Variants in CPEB4 observed in about 807,000 individuals in gnomAD.
CPEB4 encodes cytoplasmic polyadenylation element binding protein 4, also known as cytoplasmic polyadenylation element-binding protein 4.
In CPEB4, 12 loss-of-function variants were observed where a neutral mutation model predicts 72.5. The ratio of observed to expected loss-of-function variants is 0.17; its 90% CI spans 0.11 to 0.27. The LOEUF (loss-of-function observed/expected upper bound fraction) is 0.27. CPEB4 is among the 10% of genes least tolerant of loss of function. CPEB4 has a pLI of 1.00. For synonymous variants in CPEB4, 302 were observed against 326.3 expected (o/e 0.93, Z 0.80); for missense variants, 614 against 908.5 (o/e 0.68, Z 4.17).
chr5:173,927,044 G>A (rs62376956), intron 2 of CPEB4, among the ~76,000 whole-genome samples: 15,511 of 152,192 alleles, frequency 0.1, 1,047 homozygotes, highest in Middle Eastern at 0.21. Flanking sequence ...CCAGCTACTC[G>A]GGAGGCTGAG....
chr5:173,930,772 A>G (rs1421681470), intron 2 of CPEB4, among the ~76,000 whole-genome samples: 1 of 152,012 alleles, frequency 6.6e-6, no homozygotes, highest in Non-Finnish European at 1.5e-5. Context: ...GTGGATCACA[A>G]GGTCAGGAGA....
Position 173,957,261 on chromosome 5 carries a change from A to T in CPEB4, c.*1124A>T, listed in dbSNP as rs1758408073. On this transcript the variant is annotated 3_prime_UTR_variant, in exon 10 of 10. Transcript: ENST00000265085. ...TGGCTGCTGATTGGCTTACTTTTAG[A>T]TTTAAAGTTACTTTGGGTATCCTGT... is the stretch of plus-strand genomic sequence containing the variant. 1 of 152,764 alleles carries T rather than the reference A, an allele frequency of 6.5e-6. No individual in the cohort carries two copies. Among genetic ancestry groups the T allele is most frequent in the South Asian group, 2.1e-4 (1 of 4,838 alleles). 9.5% of individuals were successfully genotyped at this position (152,764 alleles called of 1,614,324 possible).
rs145117065 is a variant in CPEB4, at chr5:173,936,953, T to G, written c.1258+4453T>G. Among the ~76,000 whole-genome samples, 1,059 of 152,130 alleles carry G rather than the reference T, an allele frequency of 7.0e-3. 3 individuals are homozygous for G. Among genetic ancestry groups the G allele is most frequent in the Non-Finnish European group, 0.011 (747 of 67,998 alleles). The stretch of plus-strand genomic sequence containing the variant: ...AGTTTTAACAACTCATATATGTATT[T>G]TCTTTCCTTTGAGGAAGTGATTAGT... On this transcript the variant is annotated intron_variant, in intron 3 of 9. Coordinates refer to ENST00000265085, the MANE Select transcript of CPEB4 (RefSeq NM_030627.4).
intron 2 of CPEB4, among the ~76,000 whole-genome samples, chr5:173,927,908 G>A (rs781312703): frequency 5.3e-5 from 8 of 152,218 alleles, no homozygotes; most frequent in Non-Finnish European, 7.3e-5. Flanking sequence ...ATACCCTTCA[G>A]TAGGTGAATA....
At chr5:173,892,311 A>C (rs970686192) in intron 1 of CPEB4, among the ~76,000 whole-genome samples, 13 of 125,364 alleles carry the variant, frequency 1.0e-4, no homozygotes, top group Admixed American at 1.0e-3. Context: ...AGCTGTTGGC[A>C]TTTGCTTTAA....
intron 3 of CPEB4, among the ~76,000 whole-genome samples, chr5:173,940,188 T>G (rs1757786678): frequency 6.6e-6 from 1 of 152,178 alleles, no homozygotes; most frequent in African/African-American, 2.4e-5. Context: ...TGGTGGGGAC[T>G]GGGAGATTTT....
At chr5:173,924,997 C>A (rs981324367) in intron 2 of CPEB4, among the ~76,000 whole-genome samples, 1 of 152,122 alleles carries the variant, frequency 6.6e-6, no homozygotes, top group African/African-American at 2.4e-5. Context: ...TGATGTGGGG[C>A]AGGGAAGGCT....
At chr5:173,932,946 A>G (rs1159573295) in intron 3 of CPEB4, among the ~76,000 whole-genome samples, 1 of 152,218 alleles carries the variant, frequency 6.6e-6, no homozygotes, top group Admixed American at 6.5e-5. Context: ...CTGTCTAACA[A>G]AAACAAGAAA....
chr5:173,901,062 T>C (rs915883963), intron 1 of CPEB4, among the ~76,000 whole-genome samples: 6 of 152,208 alleles, frequency 3.9e-5, no homozygotes, highest in Admixed American at 2.6e-4. Context: ...AAAGGTCTAT[T>C]GATTCAGGAA....
chr5:173,951,314 A>T (rs544681918), intron 7 of CPEB4, among the ~76,000 whole-genome samples: 50 of 93,978 alleles, frequency 5.3e-4, no homozygotes, highest in African/African-American at 1.4e-3. Flanking sequence ...TATTTGTCAT[A>T]AAAAAAAATC....
rs1314333979 is a variant in CPEB4, at chr5:173,900,863, C to T, written c.1126-9660C>T. ...ACCTTATCTCACTGGCTTTTCACTA[C>T]AGATTTATAAGGGAGGTGCTATTAT... On this transcript the variant is annotated intron_variant, in intron 1 of 9. Transcript: ENST00000265085. This position sits in a 1 kb window ranked among gnomAD's most constrained non-coding sequence, Gnocchi z 4.4. 6.6e-6 allele frequency among the ~76,000 whole-genome samples: 1 copy of T among 152,084 alleles called. No homozygotes were observed. Among genetic ancestry groups the T allele is most frequent in the African/African-American group, 2.4e-5 (1 of 41,396 alleles).
chr5:173,923,337 C>T lies in CPEB4; in HGVS notation c.1208-9113C>T, dbSNP rs190252286. 5.3e-5 allele frequency among the ~76,000 whole-genome samples: 8 copies of T among 152,230 alleles called. 1 individual carries two copies. In the East Asian group the frequency reaches 1.5e-3, roughly 29 times the overall value. On this transcript the variant is annotated intron_variant, in intron 2 of 9. Transcript: ENST00000265085. ...ACTCAGTCTTAATTCTCTTTAGTTT[C>T]TGTAGTCAGAGAAAAGTCTAATTAG...
At chr5:173,897,877 CAT>C (rs59132990) in intron 1 of CPEB4, among the ~76,000 whole-genome samples, 33,423 of 151,880 alleles carry the variant, frequency 0.22, 4,860 homozygotes, top group Non-Finnish European at 0.3. Flanking sequence ...TTATATATAA[CAT>C]GTGCTGATTT....
At position 173,920,536 on chromosome 5, in the gene CPEB4, A is replaced by C. The variant is rs1757033801; in HGVS notation, c.1207+9932A>C. On this transcript the variant is annotated intron_variant, in intron 2 of 9. Transcript: ENST00000265085. ...ATCGGAAGTTGTTAGCATATAACAG[A>C]CTTTTCCAAATGTTACGAAATAAAA... Among the ~76,000 whole-genome samples, 3 of 152,196 alleles carry C rather than the reference A, an allele frequency of 2.0e-5. No homozygotes were observed. The South Asian group carries it at 6.2e-4, about 31-fold the overall frequency.
At chr5:173,899,401 A>G (rs1339101263) in intron 1 of CPEB4, among the ~76,000 whole-genome samples, 3 of 152,118 alleles carry the variant, frequency 2.0e-5, no homozygotes, top group South Asian at 2.1e-4. Context: ...TTGTTTTTTT[A>G]AAGAAGGGTA....
intron 2 of CPEB4, among the ~76,000 whole-genome samples, chr5:173,929,629 G>A (rs1254609740): frequency 2.0e-5 from 3 of 152,092 alleles, no homozygotes; most frequent in Non-Finnish European, 4.4e-5. Context: ...AAGCCTGGGA[G>A]GTCGAGGCTG....
chr5:173,943,529 C>G (rs999722513), intron 4 of CPEB4, among the ~76,000 whole-genome samples: 7 of 151,920 alleles, frequency 4.6e-5, no homozygotes, highest in Admixed American at 6.6e-5. Context: ...ATGACTAATC[C>G]TATAAATTTC....
At chr5:173,922,389 C>T (rs2113210880) in intron 2 of CPEB4, among the ~76,000 whole-genome samples, 1 of 152,188 alleles carries the variant, frequency 6.6e-6, no homozygotes, top group East Asian at 1.9e-4. Context: ...TGCCAGTGCA[C>T]CTGGCTAATT....
intron 3 of CPEB4, among the ~76,000 whole-genome samples, chr5:173,935,287 A>G (rs990443235): frequency 6.6e-6 from 1 of 152,216 alleles, no homozygotes; most frequent in Non-Finnish European, 1.5e-5. Context: ...TCATTAAGGT[A>G]GATAATCTAA....
Sources: allele counts gnomAD v4.1 joint callset (sites outside exome capture counted in the v4.1 genomes callset), GRCh38; gene constraint gnomAD v4.1.1; non-coding constraint Gnocchi (gnomAD v3.1); transcripts MANE v1.5; gene names NCBI Gene and HGNC (gene_info 2026-07-23, HGNC 2026-07-21).